The following RASGRF2 variants were observed in gnomAD, a reference collection of about 807,000 sequenced individuals.
The protein encoded by RASGRF2 is Ras protein specific guanine nucleotide releasing factor 2.
In RASGRF2, 76 loss-of-function variants were observed where a neutral mutation model predicts 151.0. The observed-to-expected ratio is 0.50, with a 90% CI of 0.42 to 0.61. The LOEUF (loss-of-function observed/expected upper bound fraction) is 0.61, where lower values mean the gene tolerates loss of function less well. RASGRF2 is among the 20% of genes least tolerant of loss of function. The pLI is 0.00. For missense variants in RASGRF2, 1,148 were observed against 1,564.6 expected (o/e 0.73, Z 4.49); for synonymous variants, 504 against 566.5 (o/e 0.89, Z 1.57).
chr5:81,199,897 C>CA (rs33924703), intron 18 of RASGRF2, among the ~76,000 whole-genome samples: 9,804 of 95,366 alleles, frequency 0.1, 1,151 homozygotes, highest in African/African-American at 0.27. Context: ...GACTCCATCT[C>CA]AAAAAAAAAA....
Position 81,013,534 on chromosome 5 carries a change from A to G in RASGRF2, c.289-29343A>G, listed in dbSNP as rs189844559. Among the ~76,000 whole-genome samples the G allele has an allele frequency of 1.6e-3, 249 of 151,920 alleles. 3 individuals are homozygous for G. The highest frequency in any genetic ancestry group is 5.8e-3 in the African/African-American group (239 of 41,434). On this transcript the variant is annotated intron_variant, in intron 1 of 26. Transcript: ENST00000265080. ...CATGCACAATTCCCTTCTTTCAACA[A>G]TCAAATCCTCTCTTGAATTTTGTTG...
At chr5:80,982,841 C>A (rs1748354155) in intron 1 of RASGRF2, among the ~76,000 whole-genome samples, 1 of 152,066 alleles carries the variant, frequency 6.6e-6, no homozygotes, top group Non-Finnish European at 1.5e-5. Context: ...ACCTCATGAT[C>A]TGCCCGCCTG....
chr5:80,977,736 C>A (rs990084081), intron 1 of RASGRF2, among the ~76,000 whole-genome samples: 1 of 152,178 alleles, frequency 6.6e-6, no homozygotes, highest in Non-Finnish European at 1.5e-5. Flanking sequence ...GGATTATAGG[C>A]GTAAGCCACT....
At chr5:81,038,706 G>C (rs1750588588) in intron 1 of RASGRF2, among the ~76,000 whole-genome samples, 1 of 150,976 alleles carries the variant, frequency 6.6e-6, no homozygotes, top group African/African-American at 2.4e-5. Flanking sequence ...CTCCCAGGCA[G>C]CTGAGACCAC....
chr5:81,119,101 G>GCAAT (rs1753236395), intron 15 of RASGRF2, among the ~76,000 whole-genome samples: 1 of 152,164 alleles, frequency 6.6e-6, no homozygotes, highest in Non-Finnish European at 1.5e-5. Context: ...TCCATCCATG[G>GCAAT]CAATACAGGC....
Position 81,178,949 on chromosome 5 carries a change from G to C in RASGRF2, c.2687-1226G>C, listed in dbSNP as rs185064076. Among the ~76,000 whole-genome samples, 724 of 152,154 alleles carry C rather than the reference G, an allele frequency of 4.8e-3. 1 individual carries two copies. The highest frequency in any genetic ancestry group is 0.011 in the Admixed American group (161 of 15,280). ...GAGACGGGGTTTCACCATGTTAGCC[G>C]GGATGGTCTGGATCTCCTGACCTCA... On this transcript the variant is annotated intron_variant, in intron 17 of 26. Coordinates refer to ENST00000265080, the MANE Select transcript of RASGRF2 (RefSeq NM_006909.3).
chr5:81,071,641 C>G, intron 4 of RASGRF2, among the ~76,000 whole-genome samples: 1 of 151,966 alleles, frequency 6.6e-6, no homozygotes, highest in South Asian at 2.1e-4. Flanking sequence ...CTATTCATTT[C>G]TTAGAAATTA....
At chr5:81,132,483 T>G (rs1753647807) in intron 17 of RASGRF2, among the ~76,000 whole-genome samples, 2 of 152,204 alleles carry the variant, frequency 1.3e-5, no homozygotes, top group African/African-American at 4.8e-5. Context: ...CTTTTGTGTT[T>G]AGTATCACTT....
chr5:80,972,199 A>G (rs1339370310), intron 1 of RASGRF2, among the ~76,000 whole-genome samples: 1 of 152,208 alleles, frequency 6.6e-6, no homozygotes, highest in Non-Finnish European at 1.5e-5. Flanking sequence ...TTGGGTATAT[A>G]TACTCAGGAA....
chr5:80,996,664 A>G (rs1014403155), intron 1 of RASGRF2, among the ~76,000 whole-genome samples: 1 of 147,332 alleles, frequency 6.8e-6, no homozygotes, highest in Non-Finnish European at 1.5e-5. Flanking sequence ...CAGTGGCGCA[A>G]TCTTGGCTCA....
At chr5:81,036,473 A>G (rs897235771) in intron 1 of RASGRF2, among the ~76,000 whole-genome samples, 1 of 152,020 alleles carries the variant, frequency 6.6e-6, no homozygotes, top group South Asian at 2.1e-4. Context: ...CACTATTTTT[A>G]CTTTTACTTT....
At chr5:81,159,225 G>A (rs1462291981) in intron 17 of RASGRF2, among the ~76,000 whole-genome samples, 2 of 152,228 alleles carry the variant, frequency 1.3e-5, no homozygotes, top group African/African-American at 4.8e-5. Flanking sequence ...GCAAAAATAT[G>A]CTAAGTTAGA....
intron 1 of RASGRF2, among the ~76,000 whole-genome samples, chr5:80,980,054 C>T (rs1468166422): frequency 1.3e-5 from 2 of 152,152 alleles, no homozygotes; most frequent in Non-Finnish European, 1.5e-5. Context: ...TTCCATTTGG[C>T]TTAGAGAATG....
Position 81,112,664 on chromosome 5 carries a change from C to G in RASGRF2, c.1893C>G (p.Leu631=), listed in dbSNP as rs1259373050. Residue 631 remains leucine (L), a synonymous_variant, in exon 14 of 27, where the codon CTC becomes CTG. Coordinates refer to ENST00000265080, the MANE Select transcript of RASGRF2 (RefSeq NM_006909.3). ...CTGACATTTGCTTCAGTAAAACACT[C>G]AACTCCTGCAAAGTGCCCCAGATCC... ...DDTDICFSKT[L]NSCKVPQIRY... The G allele has an allele frequency of 6.8e-6, 11 of 1,614,228 alleles. No individual in the cohort carries two copies. Among genetic ancestry groups the G allele is most frequent in the Non-Finnish European group, 8.5e-6 (10 of 1,180,046 alleles).
rs1260006488 is a variant in RASGRF2 at position 81,092,951 on chromosome 5, A to T, written c.1541A>T (p.His514Leu). The change falls in exon 10 of 27, where the codon CAT (histidine) becomes CTT (leucine). Residue 514 changes from histidine to leucine, a missense_variant. Physicochemically the swap from His to Leu is moderately conservative, Grantham distance 99. Around this residue, in one of 5 missense-constraint regions of RASGRF2, gnomAD observed 646 missense variants for 807.4 expected, o/e 0.80. Transcript: ENST00000265080. Reference protein sequence around the residue: ...ICTRSSGGKLHLLKTGGVLSL... With the variant: ...ICTRSSGGKLLLLKTGGVLSL... The stretch of plus-strand genomic sequence containing the variant: ...ACAAGAAGTTCAGGAGGGAAGCTTC[A>T]TCTGCTCAAGGTACTGGTTTTCCAT... 6.2e-7 allele frequency: 1 copy of T among 1,611,634 alleles called. No individual in the cohort carries two copies. The highest frequency in any genetic ancestry group is 8.5e-7 in the Non-Finnish European group (1 of 1,178,388).
In RASGRF2 at chr5:81,113,584, C is replaced by T; in HGVS notation, c.2134C>T (p.His712Tyr). The change falls in exon 15 of 27, where the codon CAT becomes TAT. Residue 712 changes from histidine (H) to tyrosine (Y), a missense_variant. His to Tyr is a moderately conservative substitution (Grantham distance 83, BLOSUM62 2). This residue lies in a region of RASGRF2 where 646 missense variants were observed against 807.4 expected (regional missense o/e 0.80). Transcript: ENST00000265080. Reference protein sequence around the residue: ...FATSQNNRGEHLVDGKSPRLC... With the variant: ...FATSQNNRGEYLVDGKSPRLC... ...TACCAGCCAGAACAACAGAGGTGAA[C>T]ATTTGGTGGATGGCAAATCCCCACG... The T allele has an allele frequency of 6.2e-7, 1 of 1,609,634 alleles. No homozygotes were observed.
chr5:81,174,896 A>T (rs1179453762), intron 17 of RASGRF2, among the ~76,000 whole-genome samples: 1 of 152,226 alleles, frequency 6.6e-6, no homozygotes, highest in African/African-American at 2.4e-5. Context: ...TAGAAGAGAG[A>T]TAGAATTAAA....
At chr5:81,135,336 C>T (rs1472975091) in intron 17 of RASGRF2, among the ~76,000 whole-genome samples, 2 of 151,970 alleles carry the variant, frequency 1.3e-5, no homozygotes, top group African/African-American at 4.8e-5. Flanking sequence ...GTCTACAGTT[C>T]CATGGATTTT....
chr5:81,108,693 T>G (rs1241418489), intron 12 of RASGRF2, among the ~76,000 whole-genome samples: 1 of 152,168 alleles, frequency 6.6e-6, no homozygotes, highest in African/African-American at 2.4e-5. Context: ...AAAGTGACAT[T>G]GTGGTCAGAA....
Sources: allele counts gnomAD v4.1 joint callset (sites outside exome capture counted in the v4.1 genomes callset), GRCh38; gene constraint gnomAD v4.1.1; regional missense constraint gnomAD v4.1.1; transcripts MANE v1.5; gene names NCBI Gene and HGNC (gene_info 2026-07-23, HGNC 2026-07-21).